ABCC4: variants seen among roughly 807,000 people sequenced by gnomAD.
ABCC4 encodes ATP binding cassette subfamily C member 4 (PEL blood group).
A neutral mutation model predicts 168.5 loss-of-function variants in ABCC4; 102 were observed. The ratio of observed to expected loss-of-function variants is 0.61; its 90% CI spans 0.52 to 0.71. The LOEUF is 0.71. Among genes scored for constraint, ABCC4 ranks in the 30% least tolerant of loss-of-function variants. The pLI is 0.00. For missense variants in ABCC4, 1,402 were observed against 1,605.8 expected (o/e 0.87, Z 2.17); for synonymous variants, 617 against 590.7 (o/e 1.04, Z -0.65).
chr13:95,202,795 C>T (rs753978266), intron 8 of ABCC4, among the ~76,000 whole-genome samples: 13 of 151,816 alleles, frequency 8.6e-5, no homozygotes, highest in Admixed American at 5.2e-4. Flanking sequence ...ATTACAGGTG[C>T]GTGCCACCAT....
rs2040472309 is a variant in ABCC4 at position 95,259,399 on chromosome 13, GA to G, written c.75-11647del. 2.0e-5 allele frequency among the ~76,000 whole-genome samples: 3 copies of G among 149,450 alleles called. No individual in the cohort carries two copies. In the East Asian group the frequency reaches 5.9e-4, roughly 29 times the overall value. On this transcript the variant is annotated intron_variant, in intron 1 of 30. Transcript: ENST00000645237. ...CCGTCTCAAAAAAAAAAAAAAGGAA[GA>G]AAAAAAGAAACGCCTTCCCCTAAGG...
rs996547839 is a variant in ABCC4 at position 95,259,418 on chromosome 13, C to A, written c.75-11665G>T. On this transcript the variant is annotated intron_variant, in intron 1 of 30. Coordinates refer to ENST00000645237, the MANE Select transcript of ABCC4 (RefSeq NM_005845.5). ...AAGGAAGAAAAAAAGAAACGCCTTC[C>A]CCTAAGGCAAGGTTTCTCAGCCTCA... Among the ~76,000 whole-genome samples the A allele has an allele frequency of 1.2e-4, 18 of 152,118 alleles. No individual in the cohort carries two copies. The South Asian group carries it at 3.3e-3, about 28-fold the overall frequency.
At chr13:95,090,129 A>T (rs7331308) in intron 20 of ABCC4, among the ~76,000 whole-genome samples, 69,901 of 151,836 alleles carry the variant, frequency 0.46, 17,558 homozygotes, top group South Asian at 0.69. Context: ...ACCCAAGGAG[A>T]GTCTGAGCTC....
chr13:95,267,366 C>T (rs2040712836), intron 1 of ABCC4, among the ~76,000 whole-genome samples: 1 of 152,192 alleles, frequency 6.6e-6, no homozygotes, highest in Non-Finnish European at 1.5e-5. Context: ...TTGTCTGCCA[C>T]CATGTGAGAT....
intron 20 of ABCC4, among the ~76,000 whole-genome samples, chr13:95,105,538 T>C (rs991381743): frequency 1.3e-5 from 2 of 152,230 alleles, no homozygotes; most frequent in Non-Finnish European, 2.9e-5. Flanking sequence ...TTCACTCAAA[T>C]GTGCATAAAG....
At chr13:95,136,434 C>G (rs775044447) in intron 19 of ABCC4, among the ~76,000 whole-genome samples, 2 of 152,112 alleles carry the variant, frequency 1.3e-5, no homozygotes, top group Non-Finnish European at 2.9e-5. Flanking sequence ...AGATTACAGG[C>G]GTGAGCCACC....
intron 9 of ABCC4, among the ~76,000 whole-genome samples, chr13:95,193,884 A>G (rs1024553993): frequency 3.3e-5 from 5 of 152,242 alleles, no homozygotes; most frequent in African/African-American, 1.2e-4. Flanking sequence ...GCATCATGCA[A>G]GACCCAATCG....
At chr13:95,247,521 G>A in intron 2 of ABCC4, 122 bp downstream of exon 2, 2 of 709,968 alleles carry the variant, frequency 2.8e-6, no homozygotes, top group South Asian at 1.9e-5. Context: ...CCTGAGGAAG[G>A]TGACACATAT....
chr13:95,293,510 A>G (rs886409067), intron 1 of ABCC4, among the ~76,000 whole-genome samples: 6 of 151,268 alleles, frequency 4.0e-5, no homozygotes, highest in Non-Finnish European at 7.4e-5. Flanking sequence ...TCTGTTGCCC[A>G]GGCTGGAGTG....
rs1194798457 is a variant in ABCC4 at position 95,301,227 on chromosome 13, G to T, written c.74+14C>A. On this transcript the variant is annotated intron_variant, in intron 1 of 30. Transcript: ENST00000645237. Reference sequence around the variant, plus strand: ...GCGGCTGCAGGGTGACCTGTTTCGGGCGGGGACACTCACCAGAAGAACACG... The same window carrying T: ...GCGGCTGCAGGGTGACCTGTTTCGGTCGGGGACACTCACCAGAAGAACACG... 6.3e-7 allele frequency: 1 copy of T among 1,580,652 alleles called. No homozygotes were observed. Among genetic ancestry groups the T allele is most frequent in the African/African-American group, 1.4e-5 (1 of 71,980 alleles).
chr13:95,296,170 AC>A (rs2041528225), intron 1 of ABCC4, among the ~76,000 whole-genome samples: 8 of 105,060 alleles, frequency 7.6e-5, no homozygotes, highest in African/African-American at 2.6e-4. Flanking sequence ...ACACACACAC[AC>A]ACACACACAC....
chr13:95,264,867 T>C (rs2040626863), intron 1 of ABCC4, among the ~76,000 whole-genome samples: 1 of 32,872 alleles, frequency 3.0e-5, no homozygotes, highest in Admixed American at 3.9e-4. Flanking sequence ...CAATCCACTT[T>C]TTTTTTTTTT....
chr13:95,263,710 C>A (rs2040593845), intron 1 of ABCC4, among the ~76,000 whole-genome samples: 1 of 152,022 alleles, frequency 6.6e-6, no homozygotes, highest in African/African-American at 2.4e-5. Context: ...GTAATCCTAG[C>A]TACTTGTGAG....
At chr13:95,232,943 A>T (rs1296792988) in intron 4 of ABCC4, among the ~76,000 whole-genome samples, 1 of 152,218 alleles carries the variant, frequency 6.6e-6, no homozygotes, top group Non-Finnish European at 1.5e-5. Context: ...CCTAATGGGA[A>T]AGAAAATACA....
rs1300579014 is a variant in ABCC4 at position 95,206,739 on chromosome 13, C to T, written c.954G>A (p.Gly318=). ...SKILRSSCLR[G]MNLASFFSAS... Reference sequence around the variant, plus strand: ...CACTGAAAAATGAAGCCAAATTCATCCCTCTGAGGCAGGAACTTCTCAGAA... The same window carrying T: ...CACTGAAAAATGAAGCCAAATTCATTCCTCTGAGGCAGGAACTTCTCAGAA... The change falls in exon 8 of 31, where the codon GGG becomes GGA. Residue 318 remains glycine (G), a synonymous_variant. Coordinates refer to ENST00000645237, the MANE Select transcript of ABCC4 (RefSeq NM_005845.5). The T allele has an allele frequency of 1.2e-6, 2 of 1,614,130 alleles. No homozygotes were observed. The highest frequency in any genetic ancestry group is 1.3e-5 in the African/African-American group (1 of 75,046).
chr13:95,276,756 C>T (rs1324562699), intron 1 of ABCC4, among the ~76,000 whole-genome samples: 2 of 152,214 alleles, frequency 1.3e-5, no homozygotes, highest in African/African-American at 4.8e-5. Context: ...CAGTGGCTCA[C>T]GCCTGTAATC....
At chr13:95,298,065 G>A (rs754502434) in intron 1 of ABCC4, among the ~76,000 whole-genome samples, 4 of 152,144 alleles carry the variant, frequency 2.6e-5, no homozygotes, top group African/African-American at 4.8e-5. Flanking sequence ...AAGGCGGGCA[G>A]ATCACCTGAG....
At chr13:95,257,578 G>A (rs1158908177) in intron 1 of ABCC4, among the ~76,000 whole-genome samples, 1 of 151,884 alleles carries the variant, frequency 6.6e-6, no homozygotes, top group Non-Finnish European at 1.5e-5. Flanking sequence ...CAGGACAATC[G>A]CTTGAACCCA....
At chr13:95,126,324 G>T (rs1021501953) in intron 19 of ABCC4, among the ~76,000 whole-genome samples, 2 of 152,038 alleles carry the variant, frequency 1.3e-5, no homozygotes, top group African/African-American at 4.8e-5. Context: ...TGGCAGCAAC[G>T]CATATTTATA....
Sources: allele counts gnomAD v4.1 joint callset (sites outside exome capture counted in the v4.1 genomes callset), GRCh38; gene constraint gnomAD v4.1.1; transcripts MANE v1.5; gene names NCBI Gene and HGNC (gene_info 2026-07-23, HGNC 2026-07-21).